CDK14: variants seen among roughly 807,000 people sequenced by gnomAD.
CDK14 encodes cyclin dependent kinase 14, also known as cyclin-dependent kinase 14.
CDK14 carries 34 observed loss-of-function variants against 60.7 expected under a neutral mutation model. The ratio of observed to expected loss-of-function variants is 0.56; its 90% CI spans 0.43 to 0.75. The LOEUF (loss-of-function observed/expected upper bound fraction) is 0.75. Among genes scored for constraint, CDK14 ranks in the 30% least tolerant of loss-of-function variants. The pLI is 0.00. For missense variants in CDK14, 482 were observed against 564.1 expected, an observed-to-expected ratio of 0.85 and a Z score of 1.47; for synonymous variants, 197 against 203.7, an observed-to-expected ratio of 0.97 and a Z score of 0.28.
chr7:90,791,498 T>G (rs1805829377), intron 5 of CDK14, among the ~76,000 whole-genome samples: 1 of 152,224 alleles, frequency 6.6e-6, no homozygotes, highest in Non-Finnish European at 1.5e-5. Flanking sequence ...TGCAATAATT[T>G]ATCAAGGTAT....
intron 14 of CDK14, among the ~76,000 whole-genome samples, chr7:91,196,150 C>T (rs1802532243): frequency 6.6e-6 from 1 of 152,206 alleles, no homozygotes; most frequent in Non-Finnish European, 1.5e-5. Flanking sequence ...TCTTGAGCTC[C>T]TTAAAGACAG....
intron 7 of CDK14, among the ~76,000 whole-genome samples, chr7:90,916,994 T>C (rs1224105465): frequency 2.0e-5 from 3 of 152,230 alleles, no homozygotes; most frequent in Non-Finnish European, 4.4e-5. Flanking sequence ...GGTACATGTC[T>C]GTCTTTAAGC....
At chr7:90,616,251 G>A (rs1799647110) in intron 2 of CDK14, among the ~76,000 whole-genome samples, 1 of 152,122 alleles carries the variant, frequency 6.6e-6, no homozygotes, top group African/African-American at 2.4e-5. Flanking sequence ...AGAAAAATGA[G>A]TGAGAATAAC....
At chr7:90,847,959 T>C (rs1420014262) in intron 5 of CDK14, among the ~76,000 whole-genome samples, 1 of 152,158 alleles carries the variant, frequency 6.6e-6, no homozygotes, top group Non-Finnish European at 1.5e-5. Flanking sequence ...GTGTATTTAT[T>C]TGTTCACATC....
At chr7:91,183,823 T>C (rs1562986195) in intron 14 of CDK14, among the ~76,000 whole-genome samples, 1 of 152,224 alleles carries the variant, frequency 6.6e-6, no homozygotes, top group Non-Finnish European at 1.5e-5. Flanking sequence ...TCTCCATGCC[T>C]TATCTATTCA....
At chr7:90,829,214 C>G (rs1789827121) in intron 5 of CDK14, among the ~76,000 whole-genome samples, 1 of 152,060 alleles carries the variant, frequency 6.6e-6, no homozygotes, top group East Asian at 1.9e-4. Flanking sequence ...GGGACACAGC[C>G]AAACCATATC....
intron 5 of CDK14, among the ~76,000 whole-genome samples, chr7:90,818,385 C>T (rs1789430027): frequency 6.6e-6 from 1 of 152,148 alleles, no homozygotes; most frequent in Admixed American, 6.6e-5. Context: ...AGAGCTAAAT[C>T]AAACTGAAAA....
chr7:91,209,871 G>A lies in CDK14; in HGVS notation c.*2735G>A, dbSNP rs576476704. On this transcript the variant is annotated 3_prime_UTR_variant, in exon 15 of 15. Transcript: ENST00000380050. Reference sequence around the variant, plus strand: ...TGGGGTGAGAAGCGATTTCTACCTCGCAAGAGTGACTAGAAAGTTTCTAGG... The same window carrying A: ...TGGGGTGAGAAGCGATTTCTACCTCACAAGAGTGACTAGAAAGTTTCTAGG... 3.3e-5 allele frequency: 5 copies of A among 152,570 alleles called. No homozygotes were observed. The highest frequency in any genetic ancestry group is 1.3e-4 in the Admixed American group (2 of 15,278). 9.5% of individuals were successfully genotyped at this position (152,570 alleles called of 1,614,324 possible). A position where few individuals can be genotyped will look rare whatever the true frequency, so the allele number is the denominator to read the frequency against.
chr7:90,977,181 G>A (rs1795097554), intron 9 of CDK14, among the ~76,000 whole-genome samples: 1 of 152,114 alleles, frequency 6.6e-6, no homozygotes, highest in Non-Finnish European at 1.5e-5. Flanking sequence ...AGCATTTCTT[G>A]AAGAGCTTGT....
chr7:90,880,211 G>T (rs959262188), intron 6 of CDK14, among the ~76,000 whole-genome samples: 1 of 152,238 alleles, frequency 6.6e-6, no homozygotes, highest in Non-Finnish European at 1.5e-5. Context: ...CAAGGGAAGG[G>T]TGGCTGTCAT....
chr7:90,799,277 T>G (rs1199477961), intron 5 of CDK14, among the ~76,000 whole-genome samples: 1 of 152,220 alleles, frequency 6.6e-6, no homozygotes, highest in Non-Finnish European at 1.5e-5. Context: ...CTAGTCTCAC[T>G]TAACACTCAC....
intron 5 of CDK14, among the ~76,000 whole-genome samples, chr7:90,795,297 A>T (rs1806013341): frequency 1.3e-5 from 2 of 152,156 alleles, no homozygotes. Flanking sequence ...AATATCCCAC[A>T]GTCTGCATTT....
At chr7:90,936,598 T>A (rs1419969155) in intron 8 of CDK14, among the ~76,000 whole-genome samples, 1 of 152,208 alleles carries the variant, frequency 6.6e-6, no homozygotes, top group Non-Finnish European at 1.5e-5. Flanking sequence ...TTGTTAAATA[T>A]CATTATTTTA....
At chr7:90,650,925 G>T (rs1209440735) in intron 2 of CDK14, among the ~76,000 whole-genome samples, 1 of 152,158 alleles carries the variant, frequency 6.6e-6, no homozygotes, top group Non-Finnish European at 1.5e-5. Flanking sequence ...GCTTAGGATT[G>T]TCTTGGCAAT....
chr7:91,040,587 G>A (rs898538353), intron 10 of CDK14, among the ~76,000 whole-genome samples: 3 of 152,332 alleles, frequency 2.0e-5, no homozygotes, highest in African/African-American at 7.2e-5. Flanking sequence ...CATCGCCACT[G>A]TAGTCCTGCC....
intron 2 of CDK14, among the ~76,000 whole-genome samples, chr7:90,676,635 C>T (rs967537140): frequency 9.2e-5 from 14 of 151,412 alleles, no homozygotes; most frequent in African/African-American, 2.4e-4. Context: ...TGGGTTCAAG[C>T]GATCCTCCCA....
intron 14 of CDK14, among the ~76,000 whole-genome samples, chr7:91,178,884 G>A (rs1801882186): frequency 6.6e-6 from 1 of 152,068 alleles, no homozygotes; most frequent in Non-Finnish European, 1.5e-5. Context: ...TTCAACCATT[G>A]TGGAAGTCAG....
intron 8 of CDK14, among the ~76,000 whole-genome samples, chr7:90,925,588 A>G (rs760872713): frequency 9.2e-5 from 14 of 152,246 alleles, no homozygotes; most frequent in Admixed American, 5.2e-4. Context: ...TAAACTGGTT[A>G]TAGTGGTGTG....
intron 11 of CDK14, among the ~76,000 whole-genome samples, chr7:91,056,400 T>C (rs1169736583): frequency 6.6e-6 from 1 of 150,748 alleles, no homozygotes; most frequent in Non-Finnish European, 1.5e-5. Flanking sequence ...TTTTTCAGCA[T>C]GTGAAAATTC....
Sources: gnomAD v4.1 joint callset for allele counts (sites outside exome capture counted in the v4.1 genomes callset) on GRCh38, gnomAD v4.1.1 for gene constraint, MANE v1.5 for transcripts, NCBI Gene and HGNC (gene_info 2026-07-23, HGNC 2026-07-21) for gene names.